PLEKHA7: variants seen among roughly 807,000 people sequenced by gnomAD.
PLEKHA7 encodes pleckstrin homology domain-containing family A member 7.
A neutral mutation model predicts 170.0 loss-of-function variants in PLEKHA7; 104 were observed. The observed-to-expected ratio is 0.61, with a 90% CI of 0.52 to 0.72. The LOEUF is 0.72. Ranked by LOEUF, PLEKHA7 falls within the 30% of genes least tolerant of loss-of-function variation. The pLI, the probability that PLEKHA7 is intolerant of heterozygous loss-of-function variation, is 0.00. For synonymous variants in PLEKHA7, 648 were observed against 660.8 expected, an observed-to-expected ratio of 0.98 and a Z score of 0.30; for missense variants, 1,615 against 1,671.7, an observed-to-expected ratio of 0.97 and a Z score of 0.59.
At chr11:16,838,163 T>C (rs1851664241) in intron 9 of PLEKHA7, among the ~76,000 whole-genome samples, 1 of 151,924 alleles carries the variant, frequency 6.6e-6, no homozygotes, top group Non-Finnish European at 1.5e-5. Flanking sequence ...AACAACTCAG[T>C]AGAAAAATGG....
At chr11:16,936,860 T>A (rs1335583163) in intron 3 of PLEKHA7, among the ~76,000 whole-genome samples, 1 of 152,258 alleles carries the variant, frequency 6.6e-6, no homozygotes, top group Non-Finnish European at 1.5e-5. Flanking sequence ...TGAGCTGCTC[T>A]AATTGCCAAG....
Position 16,924,921 on chromosome 11 carries a change from G to A in PLEKHA7, c.222-53739C>T, listed in dbSNP as rs535093170. The stretch of plus-strand genomic sequence containing the variant: ...CCGCGGGCTTCAGGGCTCGGGGCTG[G>A]GACGGGCGCCTGGAACAAAGCCTCT... On this transcript the variant is annotated intron_variant, in intron 3 of 26. Coordinates refer to ENST00000531066, the MANE Select transcript of PLEKHA7 (RefSeq NM_001329630.2). Among the ~76,000 whole-genome samples the A allele has an allele frequency of 3.3e-5, 5 of 152,338 alleles. No homozygotes were observed. The South Asian group carries it at 1.0e-3, about 32-fold the overall frequency.
At chr11:16,977,672 T>A (rs1402294022) in intron 3 of PLEKHA7, among the ~76,000 whole-genome samples, 1 of 152,082 alleles carries the variant, frequency 6.6e-6, no homozygotes, top group Non-Finnish European at 1.5e-5. Flanking sequence ...CTCCCACCCC[T>A]TTCCCATCAT....
At chr11:16,866,468 T>C (rs891348534) in intron 4 of PLEKHA7, among the ~76,000 whole-genome samples, 5 of 152,094 alleles carry the variant, frequency 3.3e-5, no homozygotes, top group Non-Finnish European at 5.9e-5. Context: ...GGCGGGCACC[T>C]GTAATCCCAG....
chr11:16,801,652 G>A lies in PLEKHA7; in HGVS notation c.2307+16C>T, dbSNP rs1302335212. The A allele has an allele frequency of 6.2e-7, 1 of 1,613,838 alleles. No homozygotes were observed. Among genetic ancestry groups the A allele is most frequent in the Non-Finnish European group, 8.5e-7 (1 of 1,179,878 alleles). On this transcript the variant is annotated intron_variant, in intron 16 of 26. Transcript: ENST00000531066. ...AGCCCGTCCTGAGGGAGACAGGTCT[G>A]CCACCCTCTACGCACAGTGGACTCT...
At chr11:16,839,930 G>T (rs1851819324) in intron 9 of PLEKHA7, among the ~76,000 whole-genome samples, 1 of 152,180 alleles carries the variant, frequency 6.6e-6, no homozygotes, top group Non-Finnish European at 1.5e-5. Flanking sequence ...ACTAGACTGT[G>T]TTGGGGAGAA....
intron 13 of PLEKHA7, among the ~76,000 whole-genome samples, chr11:16,808,764 C>T (rs993273909): frequency 1.3e-5 from 2 of 152,180 alleles, no homozygotes; most frequent in Non-Finnish European, 2.9e-5. Flanking sequence ...CAACAGTGAA[C>T]CCCACACCCC....
chr11:16,868,729 T>C (rs12289314), intron 4 of PLEKHA7, among the ~76,000 whole-genome samples: 171 of 152,216 alleles, frequency 1.1e-3, no homozygotes, highest in African/African-American at 4.0e-3. Flanking sequence ...ATCCAGGAGA[T>C]GGGATCTAGA....
intron 8 of PLEKHA7, among the ~76,000 whole-genome samples, chr11:16,846,270 G>A (rs406937): frequency 0.096 from 14,552 of 151,958 alleles, 808 homozygotes; most frequent in East Asian, 0.16. Context: ...GGGTGACAGA[G>A]CAAGACTCCA....
intron 3 of PLEKHA7, among the ~76,000 whole-genome samples, chr11:16,931,056 A>G (rs897693975): frequency 6.6e-6 from 1 of 152,220 alleles, no homozygotes; most frequent in Non-Finnish European, 1.5e-5. Context: ...ACCAAAAGCT[A>G]TCTAAATACA....
At position 16,791,631 on chromosome 11, in the gene PLEKHA7, C is replaced by T. The variant is rs150048898; in HGVS notation, c.2746-432G>A. 2.2e-3 allele frequency: 993 copies of T among 461,122 alleles called. 9 individuals carry two copies. Among genetic ancestry groups the T allele is most frequent in the African/African-American group, 0.018 (928 of 50,326 alleles). 28.6% of individuals were successfully genotyped at this position (461,122 alleles called of 1,614,324 possible). A position where few individuals can be genotyped will look rare whatever the true frequency, so the allele number is the denominator to read the frequency against. On this transcript the variant is annotated intron_variant, in intron 19 of 26. Coordinates refer to ENST00000531066, the MANE Select transcript of PLEKHA7 (RefSeq NM_001329630.2). This position sits in a 1 kb window ranked among gnomAD's most constrained non-coding sequence, Gnocchi z 4.5. ...CCACTCAGCAGTGCTCAGCCTGAGC[C>T]GGCTCATTGGCCCTACACGAGCTCT...
intron 4 of PLEKHA7, among the ~76,000 whole-genome samples, chr11:16,861,823 G>A (rs991941444): frequency 2.0e-5 from 3 of 152,070 alleles, no homozygotes; most frequent in East Asian, 1.9e-4. Context: ...CAGAGAGCTC[G>A]GCTAAAACTA....
intron 7 of PLEKHA7, 86 bp from the exon 8 acceptor site, chr11:16,851,377 G>C: frequency 1.1e-6 from 1 of 910,110 alleles, no homozygotes. Flanking sequence ...CTTCAGCCAA[G>C]TTGTTTCCTC....
At chr11:16,988,884 C>T (rs1408964831) in intron 3 of PLEKHA7, among the ~76,000 whole-genome samples, 1 of 152,210 alleles carries the variant, frequency 6.6e-6, no homozygotes, top group East Asian at 1.9e-4. Flanking sequence ...TGTGGCAGCC[C>T]TTCAGATATC....
At chr11:16,978,136 A>G (rs1479771744) in intron 3 of PLEKHA7, among the ~76,000 whole-genome samples, 1 of 152,214 alleles carries the variant, frequency 6.6e-6, no homozygotes, top group East Asian at 1.9e-4. Flanking sequence ...GTCTCTGGAA[A>G]GAGGTCTTTG....
At chr11:16,970,561 G>A (rs1453976120) in intron 3 of PLEKHA7, among the ~76,000 whole-genome samples, 2 of 152,110 alleles carry the variant, frequency 1.3e-5, no homozygotes, top group Non-Finnish European at 2.9e-5. Context: ...CAGATACTAC[G>A]GAGGTTGAGG....
At chr11:16,921,924 C>T (rs946127026) in intron 3 of PLEKHA7, among the ~76,000 whole-genome samples, 1 of 152,244 alleles carries the variant, frequency 6.6e-6, no homozygotes, top group African/African-American at 2.4e-5. Flanking sequence ...TATCCAGTTG[C>T]TCTTAGGACT....
intron 3 of PLEKHA7, 35 bp downstream of exon 3, chr11:17,013,952 CGG>C: frequency 6.6e-7 from 1 of 1,510,050 alleles, no homozygotes; most frequent in South Asian, 1.2e-5. Flanking sequence ...CCCCCCCCCG[CGG>C]CACAGGTGCG....
chr11:16,801,555 T>A (rs543760130), intron 16 of PLEKHA7, 113 bp downstream of exon 16: 145 of 1,328,046 alleles, frequency 1.1e-4, no homozygotes, highest in Admixed American at 3.7e-4. Context: ...GAAGCTCTGC[T>A]ATTTCAGGAC....
Sources: gnomAD v4.1 joint callset for allele counts (sites outside exome capture counted in the v4.1 genomes callset) on GRCh38, gnomAD v4.1.1 for gene constraint, Gnocchi (gnomAD v3.1) non-coding constraint, MANE v1.5 for transcripts, NCBI Gene and HGNC (gene_info 2026-07-23, HGNC 2026-07-21) for gene names.